Variants in NUP153 observed in about 807,000 individuals in gnomAD.
NUP153 encodes nuclear pore complex protein Nup153.
In NUP153, 27 loss-of-function variants were observed where a neutral mutation model predicts 134.6. That is an observed-to-expected ratio of 0.20 (90% confidence interval 0.15 to 0.28). The LOEUF (loss-of-function observed/expected upper bound fraction) is 0.28. NUP153 is among the 10% of genes least tolerant of loss of function. The probability of loss-of-function intolerance (pLI) is 1.00; values close to 1 mark genes in which losing one functional copy is unlikely to be tolerated. For missense variants in NUP153, 1,821 were observed against 1,731.3 expected (o/e 1.05, Z -0.92); for synonymous variants, 640 against 623.5 (o/e 1.03, Z -0.40).
chr6:17,681,361 C>T (rs944205759), intron 2 of NUP153, among the ~76,000 whole-genome samples: 8 of 151,918 alleles, frequency 5.3e-5, no homozygotes, highest in East Asian at 3.9e-4. Context: ...CCGAGGTGGG[C>T]GGATCACGAG....
chr6:17,647,684 G>T, intron 13 of NUP153, 123 bp downstream of exon 13: 1 of 663,672 alleles, frequency 1.5e-6, no homozygotes, highest in East Asian at 2.7e-5. Context: ...TTTACACAGA[G>T]TATTTTTTAA....
Position 17,675,697 on chromosome 6 carries a change from C to A in NUP153, c.408G>T (p.Leu136=). The A allele has an allele frequency of 6.2e-7, 1 of 1,614,142 alleles. No homozygotes were observed. Among genetic ancestry groups the A allele is most frequent in the African/African-American group, 1.3e-5 (1 of 75,042 alleles). ...LTRPSLHRSH[L]NFSMLESPAL... ...CAGGGGATTCCAACATGGAAAAATT[C>A]AGATGGCTCCGATGAAGAGAAGGCC... The change falls in exon 3 of 22, where the codon CTG becomes CTT. Residue 136 remains leucine (L), a synonymous_variant. Transcript: ENST00000262077. The surrounding 1 kb of genome is among the most constrained non-coding windows in gnomAD (Gnocchi z 4.4).
At chr6:17,660,254 TA>T (rs939190932) in intron 11 of NUP153, among the ~76,000 whole-genome samples, 11 of 152,140 alleles carry the variant, frequency 7.2e-5, no homozygotes, top group Non-Finnish European at 1.3e-4. Context: ...AAAGCATGTT[TA>T]AAAAGCTAAA....
intron 2 of NUP153, among the ~76,000 whole-genome samples, chr6:17,679,495 T>C (rs1024839804): frequency 6.6e-6 from 1 of 152,202 alleles, no homozygotes; most frequent in African/African-American, 2.4e-5. Context: ...AAAGACATTT[T>C]TGCAGAAATA....
chr6:17,688,853 T>C (rs978671218), intron 1 of NUP153, among the ~76,000 whole-genome samples: 2 of 152,156 alleles, frequency 1.3e-5, no homozygotes, highest in Non-Finnish European at 2.9e-5. Context: ...GGCTGCATTA[T>C]TCTAATCCTT....
At chr6:17,635,814 T>C (rs767580446) in intron 16 of NUP153, among the ~76,000 whole-genome samples, 24 of 152,248 alleles carry the variant, frequency 1.6e-4, no homozygotes, top group Non-Finnish European at 3.1e-4. Flanking sequence ...AACTTGACTG[T>C]ATCACTCCTC....
At chr6:17,639,110 C>A (rs1244265975) in intron 15 of NUP153, among the ~76,000 whole-genome samples, 3 of 151,576 alleles carry the variant, frequency 2.0e-5, no homozygotes, top group Non-Finnish European at 2.9e-5. Context: ...CAGAGTCTTG[C>A]TCTGTCGCCC....
At chr6:17,618,150 G>C (rs1026836046) in intron 20 of NUP153, among the ~76,000 whole-genome samples, 2 of 152,146 alleles carry the variant, frequency 1.3e-5, no homozygotes, top group Non-Finnish European at 1.5e-5. Flanking sequence ...TAAGTGAAAA[G>C]AATGAAGGAT....
chr6:17,676,003 C>A (rs1043223054), intron 2 of NUP153, among the ~76,000 whole-genome samples: 2 of 151,934 alleles, frequency 1.3e-5, no homozygotes, highest in African/African-American at 4.8e-5. Context: ...TGATGTGATA[C>A]GATACAACAG....
chr6:17,652,609 T>C (rs1399436395), intron 11 of NUP153, among the ~76,000 whole-genome samples: 1 of 152,006 alleles, frequency 6.6e-6, no homozygotes. Context: ...CATCTGCCAA[T>C]CAAAAGATAT....
At chr6:17,696,393 G>C (rs1169343833) in intron 1 of NUP153, among the ~76,000 whole-genome samples, 2 of 152,192 alleles carry the variant, frequency 1.3e-5, no homozygotes, top group Admixed American at 1.3e-4. Flanking sequence ...GAGTTCTTCA[G>C]GTCTTTACAG....
chr6:17,669,080 CCTT>C (rs776871538), intron 7 of NUP153, 52 bp from the exon 8 acceptor site: 1 of 1,258,866 alleles, frequency 7.9e-7, no homozygotes. Context: ...ATGAAAAATA[CCTT>C]TTTTTTTTTT....
At chr6:17,676,741 G>T (rs1332730836) in intron 2 of NUP153, among the ~76,000 whole-genome samples, 1 of 152,106 alleles carries the variant, frequency 6.6e-6, no homozygotes, top group Admixed American at 6.5e-5. Context: ...CTCTGTCTAG[G>T]AACATTTTCA....
chr6:17,624,782 G>C lies in NUP153; in HGVS notation c.3953C>G (p.Ala1318Gly), dbSNP rs1561852844. ...TGPSAPSASP[A>G]FGANQTPTFG... ...TGTTGGGGTCTGGTTAGCACCAAATGCTGGACTGGCAGATGGTGCTGAGGG... is the reference window on the plus strand; with the variant it reads ...TGTTGGGGTCTGGTTAGCACCAAATCCTGGACTGGCAGATGGTGCTGAGGG... The change falls in exon 20 of 22, where the codon GCA becomes GGA. Residue 1318 changes from alanine to glycine, a missense_variant. Ala to Gly is a moderately conservative substitution (Grantham distance 60). Coordinates refer to ENST00000262077, the MANE Select transcript of NUP153 (RefSeq NM_005124.4). 3 of 1,613,964 alleles carry C rather than the reference G, an allele frequency of 1.9e-6. No individual in the cohort carries two copies. The highest frequency in any genetic ancestry group is 2.5e-6 in the Non-Finnish European group (3 of 1,179,976).
chr6:17,682,033 C>A (rs1431970173), intron 2 of NUP153, among the ~76,000 whole-genome samples: 1 of 152,040 alleles, frequency 6.6e-6, no homozygotes, highest in Non-Finnish European at 1.5e-5. Flanking sequence ...CACAGTGAGG[C>A]CTCACGTCTA....
At chr6:17,682,117 G>A (rs920057075) in intron 2 of NUP153, among the ~76,000 whole-genome samples, 1 of 152,100 alleles carries the variant, frequency 6.6e-6, no homozygotes, top group Non-Finnish European at 1.5e-5. Context: ...GAGTGAGGAG[G>A]AGAATGTAAA....
chr6:17,685,643 C>G (rs1339645046), intron 2 of NUP153, among the ~76,000 whole-genome samples: 2 of 152,074 alleles, frequency 1.3e-5, no homozygotes, highest in East Asian at 3.9e-4. Flanking sequence ...CATAGCCATC[C>G]TAAGGCCTTA....
chr6:17,626,146 G>A lies in NUP153; in HGVS notation c.3563C>T (p.Pro1188Leu). 3 of 1,612,236 alleles carry A rather than the reference G, an allele frequency of 1.9e-6. No homozygotes were observed. The highest frequency in any genetic ancestry group is 2.5e-6 in the Non-Finnish European group (3 of 1,179,656). ...ACTGTTGTTCAAGAAACTAAAAACT[G>A]GCTTTGCTGCACCTTGATCTGTAAG... ...STTADQGAAKPVFSFLNNSSS... is the reference protein window; with the variant it reads ...STTADQGAAKLVFSFLNNSSS... Residue 1188 changes from proline (P) to leucine (L), a missense_variant, in exon 19 of 22, where the codon CCA becomes CTA. Transcript: ENST00000262077.
chr6:17,653,676 C>A (rs1581708654), intron 11 of NUP153, among the ~76,000 whole-genome samples: 1 of 152,132 alleles, frequency 6.6e-6, no homozygotes, highest in African/African-American at 2.4e-5. Flanking sequence ...AGTTGCAGAA[C>A]AAGTGAAACC....
Sources: gnomAD v4.1 joint callset for allele counts (sites outside exome capture counted in the v4.1 genomes callset) on GRCh38, gnomAD v4.1.1 for gene constraint, Gnocchi (gnomAD v3.1) non-coding constraint, MANE v1.5 for transcripts, NCBI Gene and HGNC (gene_info 2026-07-23, HGNC 2026-07-21) for gene names.